The following CDKAL1 variants were observed in gnomAD, a reference collection of about 807,000 sequenced individuals.
CDKAL1 encodes threonylcarbamoyladenosine tRNA methylthiotransferase.
A neutral mutation model predicts 68.2 loss-of-function variants in CDKAL1; 32 were observed. That is an observed-to-expected ratio of 0.47 (90% CI 0.35 to 0.63). The LOEUF (loss-of-function observed/expected upper bound fraction) is 0.63. Ranked by LOEUF, CDKAL1 falls within the 30% of genes least tolerant of loss-of-function variation. The pLI, the probability that CDKAL1 is intolerant of heterozygous loss-of-function variation, is 0.00. For synonymous variants in CDKAL1, 234 were observed against 244.3 expected (o/e 0.96, Z 0.39); for missense variants, 606 against 696.7 (o/e 0.87, Z 1.47).
intron 9 of CDKAL1, among the ~76,000 whole-genome samples, chr6:20,917,559 G>A (rs1053454368): frequency 3.3e-5 from 5 of 151,960 alleles, no homozygotes; most frequent in Non-Finnish European, 7.4e-5. Context: ...GATGGTATTT[G>A]GTTATATGAA....
At chr6:21,075,164 T>G (rs1772001505) in intron 12 of CDKAL1, among the ~76,000 whole-genome samples, 1 of 118,598 alleles carries the variant, frequency 8.4e-6, no homozygotes, top group Non-Finnish European at 1.9e-5. Context: ...TGTTTTGGCT[T>G]TAGAATGCCT....
At chr6:21,156,267 T>G (rs1261084862) in intron 13 of CDKAL1, among the ~76,000 whole-genome samples, 1 of 151,472 alleles carries the variant, frequency 6.6e-6, no homozygotes, top group Non-Finnish European at 1.5e-5. Context: ...TAAAAAATTT[T>G]TAAAAAATTA....
intron 9 of CDKAL1, among the ~76,000 whole-genome samples, chr6:20,848,279 G>GTTTTTTGGGTTTT (rs1778451297): frequency 1.6e-5 from 1 of 62,286 alleles, no homozygotes; most frequent in African/African-American, 3.6e-5. Context: ...CTGGAAAGTT[G>GTTTTTTGGGTTTT]TTTTTTTTTT....
chr6:20,857,126 T>C (rs760376799), intron 9 of CDKAL1, among the ~76,000 whole-genome samples: 8 of 152,350 alleles, frequency 5.3e-5, no homozygotes, highest in Non-Finnish European at 1.0e-4. Context: ...TTCTTTTTAT[T>C]TGTTGTTCTC....
chr6:21,225,468 TTC>T (rs1266915506), intron 15 of CDKAL1, among the ~76,000 whole-genome samples: 2 of 152,134 alleles, frequency 1.3e-5, no homozygotes, highest in East Asian at 3.9e-4. Flanking sequence ...GGCTCTGGCC[TTC>T]TCTGTTTTTC....
chr6:21,002,807 G>A (rs1767499503), intron 11 of CDKAL1, among the ~76,000 whole-genome samples: 1 of 151,840 alleles, frequency 6.6e-6, no homozygotes, highest in African/African-American at 2.4e-5. Flanking sequence ...GGGCAACATG[G>A]TGAAACCCCG....
At chr6:20,836,957 T>TCC (rs1384223019) in intron 8 of CDKAL1, among the ~76,000 whole-genome samples, 1 of 152,116 alleles carries the variant, frequency 6.6e-6, no homozygotes, top group Non-Finnish European at 1.5e-5. Flanking sequence ...TCCCTCATTT[T>TCC]CTCTCTCTGG....
chr6:20,640,081 G>GTTA (rs1768099729), intron 4 of CDKAL1, among the ~76,000 whole-genome samples: 1 of 152,192 alleles, frequency 6.6e-6, no homozygotes, highest in Non-Finnish European at 1.5e-5. Flanking sequence ...AATGATTTGT[G>GTTA]TTACGTAAAT....
intron 9 of CDKAL1, among the ~76,000 whole-genome samples, chr6:20,906,802 GTAAGTCCCTTCT>G (rs1762248712): frequency 6.6e-6 from 1 of 152,140 alleles, no homozygotes; most frequent in Non-Finnish European, 1.5e-5. Flanking sequence ...AGTGGAAGAA[GTAAGTCCCTTCT>G]TATCAGTCAG....
intron 12 of CDKAL1, among the ~76,000 whole-genome samples, chr6:21,073,059 C>T (rs9366374): frequency 0.38 from 57,261 of 151,932 alleles, 11,179 homozygotes; most frequent in East Asian, 0.63. Flanking sequence ...CAGAATGTCA[C>T]ATATTTGGAA....
At chr6:21,104,519 A>T (rs997108060) in intron 12 of CDKAL1, among the ~76,000 whole-genome samples, 6 of 79,600 alleles carry the variant, frequency 7.5e-5, no homozygotes, top group South Asian at 1.1e-3. Context: ...AACTTTATTT[A>T]AAAAAAAAAA....
In CDKAL1 at chr6:20,926,942, G is replaced by T. The variant is rs569926513; in HGVS notation, c.743-28477G>T. Among the ~76,000 whole-genome samples, 698 of 149,224 alleles carry T rather than the reference G, an allele frequency of 4.7e-3. 6 individuals carry two copies. Among genetic ancestry groups the T allele is most frequent in the African/African-American group, 0.016 (662 of 40,972 alleles). On this transcript the variant is annotated intron_variant, in intron 9 of 15. Coordinates refer to ENST00000274695, the MANE Select transcript of CDKAL1 (RefSeq NM_017774.3). ...ATATATTTTTATATATATATATAGAGAGAGAGAGACATGAATAGAATGGCT... is the reference window on the plus strand; with the variant it reads ...ATATATTTTTATATATATATATAGATAGAGAGAGACATGAATAGAATGGCT...
Position 20,837,703 on chromosome 6 carries a change from A to G in CDKAL1, c.639-8372A>G, listed in dbSNP as rs75337767. 4.6e-3 allele frequency among the ~76,000 whole-genome samples: 698 copies of G among 151,666 alleles called. 8 individuals carry two copies. The highest frequency in any genetic ancestry group is 0.016 in the African/African-American group (670 of 41,452). Reference sequence around the variant, plus strand: ...TGTTAACTATTAATCTGCAGAAATAAATATTTCTAATACTAGCATAAATTT... The same window carrying G: ...TGTTAACTATTAATCTGCAGAAATAGATATTTCTAATACTAGCATAAATTT... On this transcript the variant is annotated intron_variant, in intron 8 of 15. Transcript: ENST00000274695.
chr6:21,093,503 A>G (rs936196510), intron 12 of CDKAL1, among the ~76,000 whole-genome samples: 5 of 152,178 alleles, frequency 3.3e-5, no homozygotes. Flanking sequence ...ACAGCCATGT[A>G]TCAGAGCTGG....
intron 5 of CDKAL1, among the ~76,000 whole-genome samples, chr6:20,677,796 G>GT (rs1468825729): frequency 6.6e-6 from 1 of 152,146 alleles, no homozygotes. Flanking sequence ...TCTGTTTACT[G>GT]TTTTAAATCC....
At position 20,611,824 on chromosome 6, in the gene CDKAL1, T is replaced by G. The variant is rs534061314; in HGVS notation, c.287-37469T>G. On this transcript the variant is annotated intron_variant, in intron 4 of 15. Coordinates refer to ENST00000274695, the MANE Select transcript of CDKAL1 (RefSeq NM_017774.3). ...GCTGTCTGTAGTCACCCTACTCGGC[T>G]ATCAAACATTAGAACCTATTCTTTC... Among the ~76,000 whole-genome samples, 3 of 152,304 alleles carry G rather than the reference T, an allele frequency of 2.0e-5. No homozygotes were observed. The South Asian group carries it at 6.2e-4, about 32-fold the overall frequency.
chr6:20,832,483 A>C lies in CDKAL1; in HGVS notation c.639-13592A>C, dbSNP rs112737995. 1.0e-3 allele frequency among the ~76,000 whole-genome samples: 156 copies of C among 152,026 alleles called. 1 individual carries two copies. The highest frequency in any genetic ancestry group is 3.9e-3 in the East Asian group (20 of 5,178). On this transcript the variant is annotated intron_variant, in intron 8 of 15. Coordinates refer to ENST00000274695, the MANE Select transcript of CDKAL1 (RefSeq NM_017774.3). The stretch of plus-strand genomic sequence containing the variant: ...ACCCTGTCTCTAATTAAAAAAAAAA[A>C]AAAACAAAACACGTGAAAATAAATT...
intron 14 of CDKAL1, among the ~76,000 whole-genome samples, chr6:21,198,644 G>A (rs953216587): frequency 2.0e-5 from 3 of 152,174 alleles, no homozygotes; most frequent in African/African-American, 7.2e-5. Flanking sequence ...TCTATTCCTT[G>A]GACTCAACTC....
intron 11 of CDKAL1, among the ~76,000 whole-genome samples, chr6:21,010,855 G>A (rs997444038): frequency 1.1e-4 from 16 of 152,138 alleles, no homozygotes; most frequent in African/African-American, 1.7e-4. Flanking sequence ...AGGCCGAGGC[G>A]GGCAGATCAT....
Sources: gnomAD v4.1 joint callset for allele counts (sites outside exome capture counted in the v4.1 genomes callset) on GRCh38, gnomAD v4.1.1 for gene constraint, MANE v1.5 for transcripts, NCBI Gene and HGNC (gene_info 2026-07-23, HGNC 2026-07-21) for gene names.